SNX24: variants seen among roughly 807,000 people sequenced by gnomAD.
SNX24 encodes the protein sorting nexin-24.
A neutral mutation model predicts 28.7 loss-of-function variants in SNX24; 22 were observed. That is an observed-to-expected ratio of 0.77 (90% CI 0.55 to 1.10). SNX24 has a LOEUF of 1.10. SNX24 is among the 50% of genes least tolerant of loss of function. The probability of loss-of-function intolerance (pLI) is 0.00; values close to 1 mark genes in which losing one functional copy is unlikely to be tolerated. For missense variants in SNX24, 221 were observed against 201.1 expected (o/e 1.10, Z -0.60); for synonymous variants, 69 against 71.5 (o/e 0.96, Z 0.18).
At chr5:123,029,209 A>T (rs761213437) in intron 5 of SNX24, 1 of 1,597,632 alleles carries the variant, frequency 6.3e-7, no homozygotes. Context: ...GGTTCATCTG[A>T]CATACTAATT....
intron 3 of SNX24, among the ~76,000 whole-genome samples, chr5:122,948,802 C>T (rs1343128466): frequency 6.6e-6 from 1 of 152,170 alleles, no homozygotes; most frequent in African/African-American, 2.4e-5. Context: ...TTCCTAACAT[C>T]CAGTATGGGC....
intron 3 of SNX24, among the ~76,000 whole-genome samples, chr5:122,970,435 C>T (rs1760908432): frequency 1.3e-5 from 2 of 152,072 alleles, no homozygotes; most frequent in Non-Finnish European, 2.9e-5. Flanking sequence ...TTGTGATATT[C>T]TTAGGCCAGG....
rs531863565 is a variant in SNX24, at chr5:123,018,936, C to T, written n.384-10302C>T. On this transcript the variant is annotated intron_variant and non_coding_transcript_variant, in intron 5 of 5. Transcript: ENST00000502387. The stretch of plus-strand genomic sequence containing the variant: ...TCCTGACCTTGTGATCCGCCCGCCT[C>T]GGCCTCCCAAAGTGCTGGGATTACA... Among the ~76,000 whole-genome samples, 3 of 152,260 alleles carry T rather than the reference C, an allele frequency of 2.0e-5. No individual in the cohort carries two copies. In the South Asian group the frequency reaches 6.2e-4, roughly 32 times the overall value.
Position 122,968,629 on chromosome 5 carries a change from G to T in SNX24, c.249+22470G>T, listed in dbSNP as rs151020779. ...GTCTTCATAAGATATTTTGACAATG[G>T]CAGTCATTAAAACCAGGTATTGATG... On this transcript the variant is annotated intron_variant, in intron 3 of 6. Coordinates refer to ENST00000261369, the MANE Select transcript of SNX24 (RefSeq NM_014035.4). Among the ~76,000 whole-genome samples, 45 of 152,222 alleles carry T rather than the reference G, an allele frequency of 3.0e-4. 1 individual carries two copies. In the East Asian group the frequency reaches 3.9e-3, roughly 13 times the overall value.
chr5:122,967,016 A>G (rs1760741558), intron 3 of SNX24, among the ~76,000 whole-genome samples: 1 of 152,242 alleles, frequency 6.6e-6, no homozygotes, highest in Non-Finnish European at 1.5e-5. Context: ...TCTTTCAGGA[A>G]CCATCTCACT....
chr5:122,924,277 C>T (rs148339641), intron 1 of SNX24, among the ~76,000 whole-genome samples: 22 of 152,242 alleles, frequency 1.4e-4, no homozygotes, highest in African/African-American at 5.3e-4. Flanking sequence ...TATAGCAATA[C>T]ACCAACATCA....
chr5:123,004,567 A>G (rs418562), intron 6 of SNX24, among the ~76,000 whole-genome samples: 33,867 of 152,090 alleles, frequency 0.22, 4,815 homozygotes, highest in Non-Finnish European at 0.33. Context: ...TACCACGTGT[A>G]TACACCTGAG....
intron 2 of SNX24, among the ~76,000 whole-genome samples, chr5:122,945,341 A>G (rs1382933698): frequency 1.3e-5 from 2 of 152,238 alleles, no homozygotes; most frequent in African/African-American, 4.8e-5. Flanking sequence ...CTTTTGGCAT[A>G]TAAGGTAACA....
intron 1 of SNX24, among the ~76,000 whole-genome samples, chr5:122,889,761 C>T (rs149553586): frequency 2.0e-3 from 284 of 142,094 alleles, no homozygotes; most frequent in African/African-American, 7.1e-3. Context: ...ATACATTATA[C>T]CTCTTCTCCC....
chr5:122,913,448 C>T (rs1338129980), intron 1 of SNX24, among the ~76,000 whole-genome samples: 16 of 151,782 alleles, frequency 1.1e-4, no homozygotes, highest in Admixed American at 1.1e-3. Context: ...GGGGCTGACC[C>T]CCACCTCCCT....
At chr5:122,993,220 C>T (rs1269748398) in intron 3 of SNX24, among the ~76,000 whole-genome samples, 2 of 150,802 alleles carry the variant, frequency 1.3e-5, no homozygotes, top group Non-Finnish European at 3.0e-5. Flanking sequence ...ATGCATGGTA[C>T]AATGGGTTCT....
At chr5:123,018,434 T>C (rs897655740) in intron 5 of SNX24, among the ~76,000 whole-genome samples, 2 of 152,116 alleles carry the variant, frequency 1.3e-5, no homozygotes, top group Admixed American at 1.3e-4. Flanking sequence ...CCAGGATATC[T>C]ATAACAGGAC....
intron 2 of SNX24, among the ~76,000 whole-genome samples, chr5:122,944,965 T>C (rs1759620832): frequency 3.9e-5 from 6 of 152,210 alleles, no homozygotes; most frequent in Admixed American, 3.9e-4. Context: ...TAGTTTCCTA[T>C]TGCTGCTATA....
rs1460162398 is a variant in SNX24 at position 122,956,365 on chromosome 5, T to TAC, written c.249+10207_249+10208insCA. Reference sequence around the variant, plus strand: ...TAAAACACTTGGGAAAAAAAAAATATATACACACACACACACACACACACA... The same window carrying TAC: ...TAAAACACTTGGGAAAAAAAAAATATACATACACACACACACACACACACACA... On this transcript the variant is annotated intron_variant, in intron 3 of 6. Coordinates refer to ENST00000261369, the MANE Select transcript of SNX24 (RefSeq NM_014035.4). 4.0e-3 allele frequency among the ~76,000 whole-genome samples: 244 copies of TAC among 61,396 alleles called. 1 individual carries two copies. The highest frequency in any genetic ancestry group is 4.1e-3 in the Non-Finnish European group (147 of 35,448). 40.3% of individuals were successfully genotyped at this position (61,396 alleles called of 152,430 possible). A position where few individuals can be genotyped will look rare whatever the true frequency, so the allele number is the denominator to read the frequency against.
chr5:122,879,022 G>A (rs1399928375), intron 1 of SNX24, among the ~76,000 whole-genome samples: 1 of 151,404 alleles, frequency 6.6e-6, no homozygotes, highest in Non-Finnish European at 1.5e-5. Flanking sequence ...GCTACAAAGA[G>A]ATTTAAAAAT....
chr5:122,900,231 T>G (rs1224178732), intron 1 of SNX24, among the ~76,000 whole-genome samples: 1 of 152,006 alleles, frequency 6.6e-6, no homozygotes, highest in Non-Finnish European at 1.5e-5. Context: ...TTGCCCAGGC[T>G]GTGATGTTTT....
At chr5:122,947,237 A>T (rs1759726040) in intron 3 of SNX24, among the ~76,000 whole-genome samples, 1 of 151,962 alleles carries the variant, frequency 6.6e-6, no homozygotes, top group African/African-American at 2.4e-5. Context: ...GATTCTGTTG[A>T]GGAGGGAAAC....
chr5:122,859,461 T>G (rs958257094), intron 1 of SNX24, among the ~76,000 whole-genome samples: 4 of 152,084 alleles, frequency 2.6e-5, no homozygotes, highest in African/African-American at 9.7e-5. Context: ...AAAAATTAGC[T>G]GGGCATAGTG....
chr5:122,898,434 C>T (rs1196935335), intron 1 of SNX24, among the ~76,000 whole-genome samples: 2 of 152,172 alleles, frequency 1.3e-5, no homozygotes, highest in Non-Finnish European at 2.9e-5. Context: ...AAACCCTTTC[C>T]CAGATCTGAG....
Sources: gnomAD v4.1 joint callset for allele counts (sites outside exome capture counted in the v4.1 genomes callset) on GRCh38, gnomAD v4.1.1 for gene constraint, MANE v1.5 for transcripts, NCBI Gene and HGNC (gene_info 2026-07-23, HGNC 2026-07-21) for gene names.